Variants in RGS5 observed in about 807,000 individuals in gnomAD.
RGS5 encodes regulator of G protein signaling 5.
RGS5 carries 20 observed loss-of-function variants against 18.9 expected under a neutral mutation model. The ratio of observed to expected loss-of-function variants is 1.06; its 90% CI spans 0.74 to 1.54. The LOEUF is 1.54. RGS5 is among the 40% of genes most tolerant of loss of function. The pLI, the probability that RGS5 is intolerant of heterozygous loss-of-function variation, is 0.00. For synonymous variants in RGS5, 57 were observed against 76.2 expected (o/e 0.75, Z 1.31); for missense variants, 201 against 211.8 (o/e 0.95, Z 0.32).
chr1:163,189,449 C>T (rs1251898064), intron 1 of RGS5, among the ~76,000 whole-genome samples: 1 of 152,150 alleles, frequency 6.6e-6, no homozygotes, highest in Non-Finnish European at 1.5e-5. Flanking sequence ...TAAAATGGTA[C>T]TCATGCAAGC....
intron 2 of RGS5, among the ~76,000 whole-genome samples, chr1:163,266,910 C>A (rs1354053366): frequency 2.0e-5 from 3 of 151,896 alleles, no homozygotes; most frequent in Non-Finnish European, 4.4e-5. Context: ...GAAAAGTGGG[C>A]CTTGAAAGGT....
At chr1:163,275,127 CA>C (rs1453758027) in intron 2 of RGS5, among the ~76,000 whole-genome samples, 1 of 152,100 alleles carries the variant, frequency 6.6e-6, no homozygotes, top group South Asian at 2.1e-4. Flanking sequence ...AATACAAAAA[CA>C]AAAAAGTTTA....
chr1:163,172,407 T>TTAAAACCATG, intron 1 of RGS5: 1 of 796,972 alleles, frequency 1.3e-6, no homozygotes, highest in Non-Finnish European at 1.9e-6. Context: ...CAAAATCCTT[T>TTAAAACCATG]TAAAACCAGG....
intron 1 of RGS5, among the ~76,000 whole-genome samples, chr1:163,210,470 C>T (rs1428539153): frequency 6.6e-6 from 1 of 152,040 alleles, no homozygotes; most frequent in Admixed American, 6.6e-5. Context: ...TTTTTTTAAA[C>T]ACTTTTAAAG....
chr1:163,248,624 G>A (rs959971729), intron 2 of RGS5: 2 of 152,116 alleles, frequency 1.3e-5, no homozygotes, highest in Non-Finnish European at 2.9e-5. Context: ...ACAGCTCAGC[G>A]AATGTCAACC....
intron 2 of RGS5, among the ~76,000 whole-genome samples, chr1:163,227,479 T>C (rs1647365079): frequency 6.6e-6 from 1 of 152,154 alleles, no homozygotes; most frequent in African/African-American, 2.4e-5. Context: ...ACCACCTCCA[T>C]GATTCAATTA....
At chr1:163,176,393 G>C (rs527325749) in intron 1 of RGS5, among the ~76,000 whole-genome samples, 1 of 152,180 alleles carries the variant, frequency 6.6e-6, no homozygotes, top group South Asian at 2.1e-4. Context: ...AGGGCAAGGC[G>C]GGCAGATCAC....
chr1:163,231,164 C>T (rs1467652370), intron 2 of RGS5, among the ~76,000 whole-genome samples: 1 of 152,066 alleles, frequency 6.6e-6, no homozygotes, highest in African/African-American at 2.4e-5. Flanking sequence ...GAAACTTTTC[C>T]CACATTTTTC....
chr1:163,289,111 T>C (rs1649215723), intron 2 of RGS5, among the ~76,000 whole-genome samples: 1 of 152,062 alleles, frequency 6.6e-6, no homozygotes, highest in Non-Finnish European at 1.5e-5. Flanking sequence ...AGTTTTGAAA[T>C]CCTTTGAATG....
rs371174814 is a variant in RGS5 at position 163,144,015 on chromosome 1, T to C, written c.*3327A>G. On this transcript the variant is annotated 3_prime_UTR_variant, in exon 5 of 5. Transcript: ENST00000313961. ...GGATAAAAAAAAAATTAAAATAATT[T>C]ATTTCACCAAGTTCTCCTTGGCACT... 30 of 152,264 alleles carry C rather than the reference T, an allele frequency of 2.0e-4. 1 individual carries two copies. Among genetic ancestry groups the C allele is most frequent in the African/African-American group, 7.0e-4 (29 of 41,548 alleles). 9.4% of individuals were successfully genotyped at this position (152,264 alleles called of 1,614,324 possible).
intron 2 of RGS5, among the ~76,000 whole-genome samples, chr1:163,274,988 C>A (rs535903160): frequency 2.6e-5 from 4 of 152,234 alleles, no homozygotes; most frequent in African/African-American, 9.6e-5. Context: ...TGGTAGTGCA[C>A]ACCTGCAGTC....
chr1:163,258,194 T>C (rs1405311606), intron 2 of RGS5, among the ~76,000 whole-genome samples: 1 of 152,234 alleles, frequency 6.6e-6, no homozygotes, highest in Non-Finnish European at 1.5e-5. Context: ...GTTTTGAATG[T>C]TATTAGTGAA....
At chr1:163,303,054 T>C (rs1344824978) in intron 2 of RGS5, among the ~76,000 whole-genome samples, 2 of 152,238 alleles carry the variant, frequency 1.3e-5, no homozygotes, top group African/African-American at 2.4e-5. Context: ...GAAGCTAACA[T>C]AGATGTAAGA....
chr1:163,159,901 A>T (rs1161600898), intron 3 of RGS5, among the ~76,000 whole-genome samples: 1 of 152,152 alleles, frequency 6.6e-6, no homozygotes, highest in Non-Finnish European at 1.5e-5. Context: ...ATGTGTATAC[A>T]CACATACATA....
At chr1:163,285,532 CAAAACA>C (rs1228815232) in intron 2 of RGS5, among the ~76,000 whole-genome samples, 2 of 150,526 alleles carry the variant, frequency 1.3e-5, no homozygotes, top group African/African-American at 4.9e-5. Context: ...GGCTCTGTCT[CAAAACA>C]AAAACAAAAA....
At chr1:163,273,473 A>G (rs554040118) in intron 2 of RGS5, among the ~76,000 whole-genome samples, 23 of 152,178 alleles carry the variant, frequency 1.5e-4, no homozygotes, top group Admixed American at 1.2e-3. Flanking sequence ...ATTTTTATGA[A>G]ATATTCTAGT....
At chr1:163,286,121 G>GA (rs942209718) in intron 2 of RGS5, among the ~76,000 whole-genome samples, 9 of 150,170 alleles carry the variant, frequency 6.0e-5, no homozygotes, top group Admixed American at 3.3e-4. Context: ...AAAATATTTG[G>GA]AAAAAAAACC....
chr1:163,167,441 G>A (rs1485393886), intron 2 of RGS5, among the ~76,000 whole-genome samples: 1 of 152,176 alleles, frequency 6.6e-6, no homozygotes, highest in East Asian at 1.9e-4. Flanking sequence ...CAGGGATGAT[G>A]ATGAACGATG....
chr1:163,309,198 G>GA (rs886293500), intron 1 of RGS5, among the ~76,000 whole-genome samples: 2 of 151,330 alleles, frequency 1.3e-5, no homozygotes, highest in African/African-American at 4.8e-5. Flanking sequence ...TTGGGTGACA[G>GA]AAAAAAAAGC....
Sources: allele counts gnomAD v4.1 joint callset (sites outside exome capture counted in the v4.1 genomes callset), GRCh38; gene constraint gnomAD v4.1.1; transcripts MANE v1.5; gene names NCBI Gene and HGNC (gene_info 2026-07-23, HGNC 2026-07-21).